BCO1: variants seen among roughly 807,000 people sequenced by gnomAD.
The protein encoded by BCO1 is beta-carotene oxygenase 1, also known as beta,beta-carotene 15,15'-dioxygenase.
Under a neutral mutation model 56.3 loss-of-function variants are expected in BCO1, and 54 were observed. That is an observed-to-expected ratio of 0.96 (90% confidence interval 0.77 to 1.20). BCO1 has a LOEUF of 1.20. BCO1 is among the 50% of genes most tolerant of loss of function. The pLI is 0.00. For synonymous variants in BCO1, 318 were observed against 266.1 expected (o/e 1.20, Z -1.90); for missense variants, 801 against 690.9 (o/e 1.16, Z -1.79).
chr16:81,253,773 A>G (rs752320409), intron 2 of BCO1, among the ~76,000 whole-genome samples: 1 of 152,086 alleles, frequency 6.6e-6, no homozygotes, highest in Non-Finnish European at 1.5e-5. Flanking sequence ...AGACCAGCCT[A>G]GGCAATATAG....
chr16:81,266,571 T>G (rs1171887022), intron 5 of BCO1, among the ~76,000 whole-genome samples: 1 of 151,950 alleles, frequency 6.6e-6, no homozygotes, highest in African/African-American at 2.4e-5. Flanking sequence ...TAAATAGAAC[T>G]CTCATTAATT....
chr16:81,249,029 T>A (rs1257232406), intron 2 of BCO1, among the ~76,000 whole-genome samples: 1 of 151,518 alleles, frequency 6.6e-6, no homozygotes, highest in Non-Finnish European at 1.5e-5. Context: ...AAAGCACCAG[T>A]GGTTTTCCTT....
intron 1 of BCO1, among the ~76,000 whole-genome samples, chr16:81,241,580 T>C (rs1277819486): frequency 6.6e-6 from 1 of 152,036 alleles, no homozygotes; most frequent in African/African-American, 2.4e-5. Context: ...GTCAGACACT[T>C]GGGGGGTGGA....
intron 7 of BCO1, among the ~76,000 whole-genome samples, chr16:81,280,402 A>G (rs576383901): frequency 2.7e-5 from 4 of 149,612 alleles, no homozygotes; most frequent in Non-Finnish European, 5.9e-5. Flanking sequence ...AATGTGGTTG[A>G]GCTCAGACTG....
chr16:81,257,372 C>T (rs1906206453), intron 2 of BCO1, among the ~76,000 whole-genome samples: 1 of 152,054 alleles, frequency 6.6e-6, no homozygotes, highest in Non-Finnish European at 1.5e-5. Flanking sequence ...TCAGGCAATT[C>T]TGTCTCCTCA....
chr16:81,270,692 C>CTCTGTGTGTGTG (rs146010684), intron 7 of BCO1, among the ~76,000 whole-genome samples: 4,505 of 143,754 alleles, frequency 0.031, 140 homozygotes, highest in African/African-American at 0.072. Flanking sequence ...CTCTCTGTGT[C>CTCTGTGTGTGTG]TGTGTGTGTG....
intron 2 of BCO1, among the ~76,000 whole-genome samples, chr16:81,248,233 C>G (rs1405941820): frequency 4.0e-5 from 6 of 151,696 alleles, no homozygotes; most frequent in Admixed American, 2.6e-4. Context: ...GAAACCCCGT[C>G]TCTACTAAAA....
At chr16:81,285,199 C>G (rs1908106675) in intron 8 of BCO1, among the ~76,000 whole-genome samples, 4 of 152,070 alleles carry the variant, frequency 2.6e-5, no homozygotes. Flanking sequence ...CACATCAGCA[C>G]TTTTTTGAAA....
chr16:81,288,573 G>A (rs1030592335), intron 10 of BCO1, among the ~76,000 whole-genome samples: 2 of 152,136 alleles, frequency 1.3e-5, no homozygotes, highest in African/African-American at 4.8e-5. Flanking sequence ...CCTGGATCCC[G>A]GATCCAAATT....
intron 8 of BCO1, among the ~76,000 whole-genome samples, chr16:81,283,035 A>T (rs1414900027): frequency 6.6e-6 from 1 of 152,262 alleles, no homozygotes; most frequent in African/African-American, 2.4e-5. Context: ...GCCAAAAGGC[A>T]GGCAGCAGAG....
intron 2 of BCO1, among the ~76,000 whole-genome samples, chr16:81,245,904 C>G (rs1905385599): frequency 7.4e-6 from 1 of 135,014 alleles, no homozygotes; most frequent in African/African-American, 2.8e-5. Context: ...CTCTTGTTGC[C>G]CAAGCTGGAG....
rs1376821341 is a variant in BCO1 at position 81,268,234 on chromosome 16, G to C, written c.843+103G>C. 9.6e-6 allele frequency: 10 copies of C among 1,039,672 alleles called. No individual in the cohort carries two copies. In the Admixed American group the frequency reaches 2.0e-4, roughly 21 times the overall value. The allele number at this position is 1,039,672 out of a possible 1,614,324, so 64.4% of individuals were successfully genotyped here. ...TAAGGCAAGGAAGTGGCATGGAAGA[G>C]GGAGGAGGCTACCAGAGGCATCTAC... On this transcript the variant is annotated intron_variant, in intron 6 of 10. Coordinates refer to ENST00000258168, the MANE Select transcript of BCO1 (RefSeq NM_017429.3).
chr16:81,248,359 C>T (rs1001067869), intron 2 of BCO1, among the ~76,000 whole-genome samples: 12 of 143,464 alleles, frequency 8.4e-5, no homozygotes, highest in African/African-American at 2.6e-4. Context: ...GCTGAGATTG[C>T]ACCATTGCAC....
At position 81,248,351 on chromosome 16, in the gene BCO1, T is replaced by A. The variant is rs1905553355; in HGVS notation, c.193+2748T>A. Among the ~76,000 whole-genome samples, 2 of 134,816 alleles carry A rather than the reference T, an allele frequency of 1.5e-5. 1 individual carries two copies. The highest frequency in any genetic ancestry group is 4.5e-4 in the South Asian group (2 of 4,480). The allele number at this position is 134,816 out of a possible 152,430, so 88.4% of individuals were successfully genotyped here. The stretch of plus-strand genomic sequence containing the variant: ...TCGGGAGGCAGCGGTTGCAGTGAGC[T>A]GAGATTGCACCATTGCACTCCAGCC... On this transcript the variant is annotated intron_variant, in intron 2 of 10. Coordinates refer to ENST00000258168, the MANE Select transcript of BCO1 (RefSeq NM_017429.3).
At chr16:81,240,239 C>G (rs889095577) in intron 1 of BCO1, among the ~76,000 whole-genome samples, 11 of 152,044 alleles carry the variant, frequency 7.2e-5, no homozygotes, top group African/African-American at 2.7e-4. Flanking sequence ...TTTGAAATCT[C>G]TTAACCACTA....
At chr16:81,282,759 G>A (rs754881545) in intron 8 of BCO1, among the ~76,000 whole-genome samples, 11 of 151,468 alleles carry the variant, frequency 7.3e-5, no homozygotes, top group East Asian at 3.9e-4. Context: ...GAAACCACCC[G>A]TAATCCCTGC....
chr16:81,248,038 C>T (rs965633603), intron 2 of BCO1, among the ~76,000 whole-genome samples: 2 of 152,014 alleles, frequency 1.3e-5, no homozygotes, highest in Admixed American at 6.6e-5. Flanking sequence ...TAGATCTAAA[C>T]GAATGTGTAA....
intron 6 of BCO1, among the ~76,000 whole-genome samples, chr16:81,268,582 T>C (rs1391881038): frequency 6.6e-6 from 1 of 152,206 alleles, no homozygotes; most frequent in African/African-American, 2.4e-5. Context: ...GACAGTTCAA[T>C]AGAAACCTCT....
intron 2 of BCO1, among the ~76,000 whole-genome samples, chr16:81,256,648 G>A (rs960805228): frequency 2.0e-5 from 3 of 152,250 alleles, no homozygotes; most frequent in African/African-American, 7.2e-5. Flanking sequence ...AGCACTTTGG[G>A]AGGCCGAGGC....
Sources: gnomAD v4.1 joint callset for allele counts (sites outside exome capture counted in the v4.1 genomes callset) on GRCh38, gnomAD v4.1.1 for gene constraint, MANE v1.5 for transcripts, NCBI Gene and HGNC (gene_info 2026-07-23, HGNC 2026-07-21) for gene names.